Variants in ABTB3 observed in about 807,000 individuals in gnomAD.
ABTB3 encodes ankyrin repeat and BTB domain containing 3, also known as ankyrin repeat- and BTB/POZ domain-containing protein 3.
At chr12:107,524,356 G>C in the ABTB3 span, among the ~76,000 whole-genome samples, 1 of 152,104 alleles carries the variant, frequency 6.6e-6, no homozygotes, top group Non-Finnish European at 1.5e-5. Context: ...ATACAGCCTT[G>C]CTCTCTGTGT....
At chr12:107,618,183 C>A in the ABTB3 span, 1 of 1,614,092 alleles carries the variant, frequency 6.2e-7, no homozygotes, top group Non-Finnish European at 8.5e-7. Context: ...ACTGCTCGCC[C>A]AGCCAGAGAA....
chr12:107,488,087 G>T, the ABTB3 span, among the ~76,000 whole-genome samples: 2 of 152,182 alleles, frequency 1.3e-5, no homozygotes, highest in Admixed American at 1.3e-4. Context: ...CCTTCAAGGA[G>T]GGATGGCTGT....
At chr12:107,645,507 GT>G in the ABTB3 span, among the ~76,000 whole-genome samples, 21,599 of 152,188 alleles carry the variant, frequency 0.14, 1,651 homozygotes, top group South Asian at 0.2. Context: ...TCCCAGACCT[GT>G]TCTCTTAAAT....
the ABTB3 span, chr12:107,615,212 C>G: frequency 7.0e-7 from 1 of 1,425,272 alleles, no homozygotes; most frequent in South Asian, 1.2e-5. Flanking sequence ...TTACCTCTTC[C>G]ATAACACACA....
the ABTB3 span, among the ~76,000 whole-genome samples, chr12:107,545,675 TGTGC>T: frequency 4.6e-5 from 7 of 152,246 alleles, no homozygotes; most frequent in Non-Finnish European, 1.5e-5. Flanking sequence ...GTCAGTACGT[TGTGC>T]ATATTTTCAC....
chr12:107,609,097 G>A, the ABTB3 span, among the ~76,000 whole-genome samples: 1 of 152,170 alleles, frequency 6.6e-6, no homozygotes, highest in African/African-American at 2.4e-5. Flanking sequence ...TTGCACTCCT[G>A]CAGCGCCTGT....
the ABTB3 span, chr12:107,520,716 C>A: frequency 1.3e-6 from 2 of 1,554,442 alleles, no homozygotes; most frequent in Non-Finnish European, 8.8e-7. Flanking sequence ...TGTCCTCATG[C>A]CAACCCCTCA....
At chr12:107,365,649 T>A in the ABTB3 span, among the ~76,000 whole-genome samples, 1 of 152,136 alleles carries the variant, frequency 6.6e-6, no homozygotes, top group African/African-American at 2.4e-5. Flanking sequence ...CACCATGTTC[T>A]TTCCTCCCTA....
chr12:107,490,520 G>A, the ABTB3 span, among the ~76,000 whole-genome samples: 850 of 152,168 alleles, frequency 5.6e-3, 9 homozygotes, highest in African/African-American at 0.019. Flanking sequence ...AGAGGGATGT[G>A]GATATTTACC....
chr12:107,462,732 T>G, the ABTB3 span, among the ~76,000 whole-genome samples: 8 of 151,424 alleles, frequency 5.3e-5, no homozygotes, highest in Admixed American at 5.3e-4. Context: ...GTGACAGTGA[T>G]GATGATGGTG....
the ABTB3 span, among the ~76,000 whole-genome samples, chr12:107,582,121 G>T: frequency 6.6e-6 from 1 of 152,162 alleles, no homozygotes; most frequent in Non-Finnish European, 1.5e-5. Flanking sequence ...TTGGGGTTCT[G>T]CAAGGAAATG....
At chr12:107,398,339 T>A in the ABTB3 span, among the ~76,000 whole-genome samples, 1 of 152,250 alleles carries the variant, frequency 6.6e-6, no homozygotes, top group African/African-American at 2.4e-5. Flanking sequence ...AATTTAACCA[T>A]GGCCGTGGGC....
chr12:107,471,930 T>A, the ABTB3 span, among the ~76,000 whole-genome samples: 2 of 152,170 alleles, frequency 1.3e-5, no homozygotes, highest in Admixed American at 1.3e-4. Flanking sequence ...AGAGGCATAA[T>A]CTCCTTACTT....
At chr12:107,555,592 A>G in the ABTB3 span, among the ~76,000 whole-genome samples, 3 of 152,204 alleles carry the variant, frequency 2.0e-5, no homozygotes, top group Admixed American at 6.5e-5. Flanking sequence ...TCTGACTTCT[A>G]TGACACAAAG....
the ABTB3 span, among the ~76,000 whole-genome samples, chr12:107,629,994 G>A: frequency 6.2e-4 from 94 of 152,186 alleles, no homozygotes; most frequent in Non-Finnish European, 1.1e-3. Context: ...GTTCAGAATC[G>A]TATTGGGTCC....
At chr12:107,629,038 G>A in the ABTB3 span, among the ~76,000 whole-genome samples, 1 of 152,152 alleles carries the variant, frequency 6.6e-6, no homozygotes. Flanking sequence ...GGAGAAGAGT[G>A]GAGTCAAAGG....
chr12:107,614,100 G>A, the ABTB3 span, among the ~76,000 whole-genome samples: 1 of 152,102 alleles, frequency 6.6e-6, no homozygotes, highest in Middle Eastern at 3.2e-3. Flanking sequence ...CCTTCCTCCA[G>A]TGGATGCTTA....
chr12:107,550,475 A>G, the ABTB3 span, among the ~76,000 whole-genome samples: 3 of 149,394 alleles, frequency 2.0e-5, no homozygotes, highest in African/African-American at 7.4e-5. Context: ...CAGTAACATC[A>G]TCGGTGGTTC....
the ABTB3 span, among the ~76,000 whole-genome samples, chr12:107,489,881 A>G: frequency 2.0e-5 from 3 of 152,050 alleles, no homozygotes; most frequent in African/African-American, 4.8e-5. Context: ...TCAGCCTCCC[A>G]AAGTGGTTGG....
Sources: gnomAD v4.1 joint callset for allele counts (sites outside exome capture counted in the v4.1 genomes callset) on GRCh38, gnomAD v4.1.1 for gene constraint, MANE v1.5 for transcripts, NCBI Gene and HGNC (gene_info 2026-07-23, HGNC 2026-07-21) for gene names.